The following NBEA variants were observed in gnomAD, a reference collection of about 807,000 sequenced individuals.
NBEA encodes lysosomal-trafficking regulator 2.
NBEA carries 44 observed loss-of-function variants against 343.4 expected under a neutral mutation model. That is an observed-to-expected ratio of 0.13 (90% CI 0.10 to 0.16). The LOEUF (loss-of-function observed/expected upper bound fraction) is 0.16, where lower values mean the gene tolerates loss of function less well. NBEA is among the 10% of genes least tolerant of loss of function. The pLI is 1.00. For missense variants in NBEA, 2,555 were observed against 3,631.3 expected (o/e 0.70, Z 7.62); for synonymous variants, 1,175 against 1,238.7 (o/e 0.95, Z 1.08).
At chr13:35,205,094 A>G (rs919626412) in intron 31 of NBEA, among the ~76,000 whole-genome samples, 1 of 152,166 alleles carries the variant, frequency 6.6e-6, no homozygotes, top group Non-Finnish European at 1.5e-5. Flanking sequence ...ATTGATTGCT[A>G]AGAAAGAGAA....
chr13:35,592,018 T>C (rs1169487192), intron 46 of NBEA, among the ~76,000 whole-genome samples: 1 of 152,090 alleles, frequency 6.6e-6, no homozygotes, highest in Non-Finnish European at 1.5e-5. Flanking sequence ...CAGAAATGAA[T>C]GTTATTTAAT....
chr13:34,985,571 A>G (rs1396779216), intron 1 of NBEA, among the ~76,000 whole-genome samples: 1 of 150,894 alleles, frequency 6.6e-6, no homozygotes, highest in East Asian at 1.9e-4. Context: ...GTTAGGGAGG[A>G]TTCCCTCTTT....
chr13:35,296,322 A>G (rs2036127077), intron 35 of NBEA, among the ~76,000 whole-genome samples: 1 of 151,588 alleles, frequency 6.6e-6, no homozygotes, highest in Admixed American at 6.6e-5. Context: ...TGGAGGTTGC[A>G]TTTAGCTGAG....
At chr13:34,963,212 C>T (rs1226877245) in intron 1 of NBEA, among the ~76,000 whole-genome samples, 1 of 151,966 alleles carries the variant, frequency 6.6e-6, no homozygotes, top group Non-Finnish European at 1.5e-5. Context: ...TTTATTTTCT[C>T]ACAGTTCTAG....
intron 1 of NBEA, among the ~76,000 whole-genome samples, chr13:35,030,334 T>C (rs1393761706): frequency 6.6e-6 from 1 of 151,710 alleles, no homozygotes; most frequent in Admixed American, 6.6e-5. Context: ...ATAAAAATCA[T>C]TGTTTCCTCA....
chr13:35,253,579 A>T (rs1466869707), intron 34 of NBEA, among the ~76,000 whole-genome samples: 1 of 152,190 alleles, frequency 6.6e-6, no homozygotes, highest in Non-Finnish European at 1.5e-5. Flanking sequence ...TGTGTTGATC[A>T]TCATTATATT....
At chr13:35,037,622 A>G (rs1327593332) in intron 1 of NBEA, among the ~76,000 whole-genome samples, 2 of 152,184 alleles carry the variant, frequency 1.3e-5, no homozygotes, top group East Asian at 3.9e-4. Flanking sequence ...AAGATCTGGG[A>G]TAATTCTCTA....
intron 40 of NBEA, among the ~76,000 whole-genome samples, chr13:35,452,594 C>G (rs372731160): frequency 9.2e-5 from 14 of 152,186 alleles, no homozygotes; most frequent in African/African-American, 3.4e-4. Context: ...TGCTAAGAGC[C>G]AAGGTCCTTT....
chr13:35,254,944 G>T, intron 34 of NBEA, among the ~76,000 whole-genome samples: 1 of 151,580 alleles, frequency 6.6e-6, no homozygotes, highest in South Asian at 2.1e-4. Flanking sequence ...TCTCCATAGG[G>T]AAGTATTATA....
In NBEA at chr13:35,177,074, C is replaced by A; in HGVS notation, c.4633C>A (p.Arg1545Ser). Residue 1545 changes from arginine to serine, a missense_variant, in exon 28 of 59, where the codon CGC (arginine) becomes AGC (serine). Around this residue, in one of 21 missense-constraint regions of NBEA, gnomAD observed 168 missense variants for 193.0 expected, o/e 0.87. Transcript: ENST00000379939. ...DRLLQDVDIN[R>S]LRAVVFRDVD... ...ACTTCTTCAGGATGTTGATATCAATCGCCTTCGTGCTGTTGTCTTTCGGGA... is the reference window on the plus strand; with the variant it reads ...ACTTCTTCAGGATGTTGATATCAATAGCCTTCGTGCTGTTGTCTTTCGGGA... 6.2e-7 allele frequency: 1 copy of A among 1,602,436 alleles called. No individual in the cohort carries two copies. Among genetic ancestry groups the A allele is most frequent in the Non-Finnish European group, 8.5e-7 (1 of 1,173,462 alleles).
chr13:35,374,861 TATAAC>T (rs2041651983), intron 38 of NBEA, among the ~76,000 whole-genome samples: 1 of 152,078 alleles, frequency 6.6e-6, no homozygotes, highest in Non-Finnish European at 1.5e-5. Context: ...TTCTCACTGT[TATAAC>T]AGTGAGAAAT....
At chr13:35,256,833 A>G (rs942774100) in intron 34 of NBEA, among the ~76,000 whole-genome samples, 1 of 152,184 alleles carries the variant, frequency 6.6e-6, no homozygotes, top group African/African-American at 2.4e-5. Flanking sequence ...AGCGGGAGCA[A>G]ACACTTTCAA....
intron 6 of NBEA, 132 bp downstream of exon 6, chr13:35,050,527 C>A: frequency 1.0e-6 from 1 of 974,104 alleles, no homozygotes. Flanking sequence ...TCCTTGTCTG[C>A]ATTTCCTTTT....
At chr13:35,063,731 G>A (rs185664264) in intron 8 of NBEA, among the ~76,000 whole-genome samples, 1 of 152,114 alleles carries the variant, frequency 6.6e-6, no homozygotes, top group East Asian at 1.9e-4. Flanking sequence ...TAGTTAGGGG[G>A]CTGTTGCAGT....
intron 24 of NBEA, among the ~76,000 whole-genome samples, chr13:35,166,705 T>G (rs1321244067): frequency 1.3e-5 from 2 of 152,150 alleles, no homozygotes; most frequent in African/African-American, 4.8e-5. Flanking sequence ...CTGCTGAATG[T>G]TGTTTTTCTA....
intron 4 of NBEA, among the ~76,000 whole-genome samples, chr13:35,046,269 A>G (rs1405911783): frequency 6.6e-6 from 1 of 152,152 alleles, no homozygotes; most frequent in African/African-American, 2.4e-5. Flanking sequence ...TTCTATGGAC[A>G]TATGTTTTCT....
chr13:35,504,576 TTC>T (rs2077003315), intron 41 of NBEA, among the ~76,000 whole-genome samples: 1 of 152,190 alleles, frequency 6.6e-6, no homozygotes, highest in Non-Finnish European at 1.5e-5. Flanking sequence ...TTACTTATTT[TTC>T]TTTTTTTCTG....
intron 40 of NBEA, among the ~76,000 whole-genome samples, chr13:35,454,048 T>C (rs180785595): frequency 3.0e-4 from 46 of 152,310 alleles, no homozygotes; most frequent in Non-Finnish European, 3.1e-4. Flanking sequence ...TACCTGGTCC[T>C]AACTCATACT....
chr13:35,266,300 CAG>C (rs2033670216), intron 34 of NBEA, among the ~76,000 whole-genome samples: 1 of 151,720 alleles, frequency 6.6e-6, no homozygotes, highest in Non-Finnish European at 1.5e-5. Context: ...AACCTAAAAA[CAG>C]AACTACCATA....
Sources: gnomAD v4.1 joint callset for allele counts (sites outside exome capture counted in the v4.1 genomes callset) on GRCh38, gnomAD v4.1.1 for gene constraint, gnomAD v4.1.1 regional missense constraint, MANE v1.5 for transcripts, NCBI Gene and HGNC (gene_info 2026-07-23, HGNC 2026-07-21) for gene names.